The following C1orf21 variants were observed in gnomAD, a reference collection of about 807,000 sequenced individuals.
C1orf21 encodes the protein uncharacterized protein C1orf21.
Under a neutral mutation model 18.7 loss-of-function variants are expected in C1orf21, and 3 were observed. That is an observed-to-expected ratio of 0.16 (90% CI 0.07 to 0.42). C1orf21 has a LOEUF of 0.42. C1orf21 is among the 10% of genes least tolerant of loss of function. C1orf21 has a pLI of 0.99. For missense variants in C1orf21, 104 were observed against 143.6 expected (o/e 0.72, Z 1.41); for synonymous variants, 41 against 46.4 (o/e 0.88, Z 0.47).
intron 1 of C1orf21, among the ~76,000 whole-genome samples, chr1:184,410,373 C>T (rs900718596): frequency 6.6e-5 from 10 of 151,222 alleles, no homozygotes; most frequent in African/African-American, 1.5e-4. Context: ...TTCACAATAG[C>T]GCAATGAACA....
chr1:184,477,228 C>T (rs1257730518), intron 1 of C1orf21, among the ~76,000 whole-genome samples, 158 bp from the exon 2 acceptor site: 2 of 152,106 alleles, frequency 1.3e-5, no homozygotes, highest in Admixed American at 6.6e-5. Context: ...GAATGGGCCA[C>T]GCTGCACATG....
Position 184,622,101 on chromosome 1 carries a change from C to T in C1orf21, c.*2545C>T, listed in dbSNP as rs1051117802. On this transcript the variant is annotated 3_prime_UTR_variant, in exon 6 of 6. Coordinates refer to ENST00000235307, the MANE Select transcript of C1orf21 (RefSeq NM_030806.4). ...AACAAAAATATTTTGCCTTTTTTTC[C>T]CCACGTGTATCTGAACATTAAGCAG... is the stretch of plus-strand genomic sequence containing the variant. The T allele has an allele frequency of 1.3e-5, 2 of 151,790 alleles. No homozygotes were observed. The highest frequency in any genetic ancestry group is 1.9e-4 in the East Asian group (1 of 5,190). 9.4% of individuals were successfully genotyped at this position (151,790 alleles called of 1,614,324 possible). A position where few individuals can be genotyped will look rare whatever the true frequency, so the allele number is the denominator to read the frequency against.
chr1:184,560,984 A>G (rs1213096896), intron 3 of C1orf21, among the ~76,000 whole-genome samples: 1 of 152,040 alleles, frequency 6.6e-6, no homozygotes, highest in Non-Finnish European at 1.5e-5. Flanking sequence ...TGAAAGATTT[A>G]TTTTCTGAAT....
chr1:184,566,945 A>G (rs1571280643), intron 3 of C1orf21: 1 of 527,004 alleles, frequency 1.9e-6, no homozygotes, highest in East Asian at 5.4e-5. Flanking sequence ...CAGCAGCTAC[A>G]GAAATAAGTC....
chr1:184,456,735 A>G (rs1657204353), intron 1 of C1orf21, among the ~76,000 whole-genome samples: 1 of 152,124 alleles, frequency 6.6e-6, no homozygotes, highest in Non-Finnish European at 1.5e-5. Flanking sequence ...TCCGATAGGC[A>G]CACTTTGTAA....
At chr1:184,609,514 C>T (rs1283155727) in intron 5 of C1orf21, among the ~76,000 whole-genome samples, 1 of 152,132 alleles carries the variant, frequency 6.6e-6, no homozygotes, top group African/African-American at 2.4e-5. Flanking sequence ...AAGCCATTGT[C>T]CAAAAGGAAG....
chr1:184,400,256 T>C (rs1190473548), intron 1 of C1orf21, among the ~76,000 whole-genome samples: 1 of 152,198 alleles, frequency 6.6e-6, no homozygotes, highest in Non-Finnish European at 1.5e-5. Flanking sequence ...TTTTTAGTGG[T>C]AAACAGTATT....
At chr1:184,493,422 C>T (rs1405747184) in intron 2 of C1orf21, among the ~76,000 whole-genome samples, 2 of 152,148 alleles carry the variant, frequency 1.3e-5, no homozygotes, top group African/African-American at 4.8e-5. Flanking sequence ...TGTTAAATAG[C>T]ACATCTTTGA....
chr1:184,501,755 TC>T (rs1419696204), intron 2 of C1orf21, among the ~76,000 whole-genome samples: 2 of 152,248 alleles, frequency 1.3e-5, no homozygotes, highest in Non-Finnish European at 2.9e-5. Flanking sequence ...GCAGATAGTT[TC>T]TTCCATCTTT....
intron 3 of C1orf21, among the ~76,000 whole-genome samples, chr1:184,563,711 ATCC>A (rs1658996117): frequency 1.3e-5 from 2 of 152,244 alleles, no homozygotes; most frequent in Admixed American, 1.3e-4. Context: ...AACTCTGGCT[ATCC>A]TCTATCCATT....
rs913351747 is a variant in C1orf21, at chr1:184,622,039, T to C, written c.*2483T>C. 1 of 152,252 alleles carries C rather than the reference T, an allele frequency of 6.6e-6. No individual in the cohort carries two copies. The allele number at this position is 152,252 out of a possible 1,614,324, so 9.4% of individuals were successfully genotyped here. Reference sequence around the variant, plus strand: ...ATAAAATTGTCAAGTGATTCGTGTTTGTACTTTATTTTTTTGTGCCTTCTG... The same window carrying C: ...ATAAAATTGTCAAGTGATTCGTGTTCGTACTTTATTTTTTTGTGCCTTCTG... On this transcript the variant is annotated 3_prime_UTR_variant, in exon 6 of 6. Transcript: ENST00000235307.
intron 3 of C1orf21, among the ~76,000 whole-genome samples, chr1:184,528,592 C>G (rs1024323053): frequency 2.0e-5 from 3 of 152,084 alleles, no homozygotes; most frequent in Non-Finnish European, 4.4e-5. Flanking sequence ...TTACAGGCGC[C>G]TGCTACCACG....
intron 3 of C1orf21, chr1:184,567,413 G>A (rs982128998): frequency 2.3e-5 from 12 of 528,034 alleles, no homozygotes; most frequent in Admixed American, 7.9e-5. Flanking sequence ...AGATCTCCTG[G>A]GCTTGAAGGT....
chr1:184,543,874 A>T (rs1158026604), intron 3 of C1orf21, among the ~76,000 whole-genome samples: 1 of 152,154 alleles, frequency 6.6e-6, no homozygotes, highest in African/African-American at 2.4e-5. Flanking sequence ...TTCATAAAAG[A>T]TCATTTTTTT....
intron 1 of C1orf21, among the ~76,000 whole-genome samples, chr1:184,468,615 T>C (rs1476030169): frequency 2.6e-5 from 4 of 152,236 alleles, no homozygotes; most frequent in African/African-American, 9.6e-5. Context: ...TAGGCTTTTT[T>C]GTTTTTAAAA....
intron 5 of C1orf21, 144 bp downstream of exon 5, chr1:184,598,605 C>T: frequency 1.3e-6 from 1 of 776,576 alleles, no homozygotes; most frequent in South Asian, 1.9e-5. Context: ...AGTCACCGCC[C>T]TTCCAAAATA....
At chr1:184,429,781 G>A (rs1394199369) in intron 1 of C1orf21, among the ~76,000 whole-genome samples, 1 of 151,958 alleles carries the variant, frequency 6.6e-6, no homozygotes, top group Non-Finnish European at 1.5e-5. Context: ...TATATCCCAT[G>A]TGATATACTT....
chr1:184,555,548 TAC>T (rs10560390), intron 3 of C1orf21, among the ~76,000 whole-genome samples: 1 of 151,470 alleles, frequency 6.6e-6, no homozygotes, highest in Non-Finnish European at 1.5e-5. Context: ...CACACATACA[TAC>T]ACACACACAC....
At chr1:184,537,618 G>A (rs974337651) in intron 3 of C1orf21, among the ~76,000 whole-genome samples, 48 of 152,096 alleles carry the variant, frequency 3.2e-4, no homozygotes, top group African/African-American at 1.1e-3. Context: ...GGGTGTACAA[G>A]TATCTCTTCA....
Sources: gnomAD v4.1 joint callset for allele counts (sites outside exome capture counted in the v4.1 genomes callset) on GRCh38, gnomAD v4.1.1 for gene constraint, MANE v1.5 for transcripts, NCBI Gene and HGNC (gene_info 2026-07-23, HGNC 2026-07-21) for gene names.